The following SEMA6A variants were observed in gnomAD, a reference collection of about 807,000 sequenced individuals.
SEMA6A encodes the protein semaphorin-6A.
SEMA6A carries 25 observed loss-of-function variants against 96.8 expected under a neutral mutation model. The observed-to-expected ratio is 0.26, with a 90% CI of 0.19 to 0.36. The LOEUF is 0.36. Among genes scored for constraint, SEMA6A ranks in the 10% least tolerant of loss-of-function variants. SEMA6A has a pLI of 1.00. For synonymous variants in SEMA6A, 612 were observed against 518.0 expected (o/e 1.18, Z -2.46); for missense variants, 1,363 against 1,323.1 (o/e 1.03, Z -0.47).
At chr5:116,538,487 T>G (rs1205750972) in intron 1 of SEMA6A, among the ~76,000 whole-genome samples, 8 of 152,184 alleles carry the variant, frequency 5.3e-5, no homozygotes, top group Non-Finnish European at 1.2e-4. Flanking sequence ...GCTGGGATAA[T>G]GAATTATTTT....
intron 7 of SEMA6A, among the ~76,000 whole-genome samples, chr5:116,491,285 A>T (rs1757311013): frequency 6.6e-6 from 1 of 152,208 alleles, no homozygotes; most frequent in South Asian, 2.1e-4. Context: ...CACCAGTCTC[A>T]TCATGAGGTC....
intron 1 of SEMA6A, among the ~76,000 whole-genome samples, chr5:116,507,446 T>A (rs1056522873): frequency 6.6e-6 from 1 of 152,170 alleles, no homozygotes; most frequent in African/African-American, 2.4e-5. Flanking sequence ...AACACAGGCT[T>A]GAGTCTCAGG....
At chr5:116,473,841 G>A (rs1005281811) in intron 16 of SEMA6A, among the ~76,000 whole-genome samples, 1 of 152,216 alleles carries the variant, frequency 6.6e-6, no homozygotes, top group Non-Finnish European at 1.5e-5. Flanking sequence ...AGCAAAGGCA[G>A]GCAGGCAGAG....
intron 18 of SEMA6A, among the ~76,000 whole-genome samples, chr5:116,448,671 G>A (rs1428309617): frequency 1.4e-5 from 2 of 146,256 alleles, no homozygotes; most frequent in Admixed American, 7.1e-5. Context: ...AGGAAAGAGA[G>A]TGTGTGTCAT....
At chr5:116,493,699 A>G (rs1757439935) in intron 6 of SEMA6A, among the ~76,000 whole-genome samples, 1 of 151,910 alleles carries the variant, frequency 6.6e-6, no homozygotes, top group African/African-American at 2.4e-5. Flanking sequence ...AAAAAAAGAC[A>G]GGGGGTTTTT....
intron 18 of SEMA6A, among the ~76,000 whole-genome samples, chr5:116,452,518 G>T (rs1754704911): frequency 6.6e-6 from 1 of 151,340 alleles, no homozygotes; most frequent in Admixed American, 6.6e-5. Flanking sequence ...GCAATGAAAA[G>T]ATTATGAAGG....
At chr5:116,565,935 G>A (rs1761007029) in intron 1 of SEMA6A, among the ~76,000 whole-genome samples, 1 of 152,150 alleles carries the variant, frequency 6.6e-6, no homozygotes, top group African/African-American at 2.4e-5. Context: ...GGGCGGGGAA[G>A]TGCTGAAGTC....
rs1460701034 is a variant in SEMA6A, at chr5:116,486,777, G to T, written c.934C>A (p.Leu312Met). ...TTATAAGGTGTAGAAAACGTTGCCA[G>T]GACAACATCACGCCCGTTGATACGA... ...VIRINGRDVV[L>M]ATFSTPYNSI... Residue 312 changes from leucine to methionine, a missense_variant, in exon 10 of 19, where the codon CTG becomes ATG. Around this residue, in one of 2 missense-constraint regions of SEMA6A, gnomAD observed 480 missense variants for 559.5 expected, o/e 0.86. Coordinates refer to ENST00000343348, the MANE Select transcript of SEMA6A (RefSeq NM_020796.5). The T allele has an allele frequency of 6.2e-7, 1 of 1,613,780 alleles. No homozygotes were observed. Among genetic ancestry groups the T allele is most frequent in the Admixed American group, 1.7e-5 (1 of 60,010 alleles).
chr5:116,570,226 C>T (rs1229667848), intron 1 of SEMA6A, among the ~76,000 whole-genome samples: 3 of 152,270 alleles, frequency 2.0e-5, no homozygotes, highest in South Asian at 2.1e-4. Flanking sequence ...ACCATGTGGT[C>T]GCCAGCAGAG....
chr5:116,529,055 T>C (rs1238311567), intron 1 of SEMA6A, among the ~76,000 whole-genome samples: 1 of 152,164 alleles, frequency 6.6e-6, no homozygotes, highest in Non-Finnish European at 1.5e-5. Flanking sequence ...TCAGACAGTC[T>C]CTAAGGGTGT....
At chr5:116,500,465 G>A (rs889238037) in intron 3 of SEMA6A, among the ~76,000 whole-genome samples, 2 of 152,162 alleles carry the variant, frequency 1.3e-5, no homozygotes, top group Admixed American at 6.5e-5. Context: ...AGCTATGTTT[G>A]TGAATTGTAT....
intron 1 of SEMA6A, among the ~76,000 whole-genome samples, chr5:116,563,702 CTCAAT>C (rs1213268074): frequency 6.6e-6 from 1 of 152,214 alleles, no homozygotes; most frequent in Non-Finnish European, 1.5e-5. Flanking sequence ...AGAGAATGAA[CTCAAT>C]TCAACAAAAT....
chr5:116,543,861 G>A (rs1380837304), intron 1 of SEMA6A, among the ~76,000 whole-genome samples: 4 of 152,184 alleles, frequency 2.6e-5, no homozygotes, highest in Non-Finnish European at 4.4e-5. Flanking sequence ...AAACTAGCAC[G>A]TTTTACTTTT....
At chr5:116,486,994 T>C in intron 9 of SEMA6A, 28 bp from the exon 10 acceptor site, 1 of 1,520,780 alleles carries the variant, frequency 6.6e-7, no homozygotes, top group Non-Finnish European at 9.1e-7. Context: ...ATAGGGAAAA[T>C]TAAATGCATT....
rs201445733 is a variant in SEMA6A, at chr5:116,496,321, G to A, written c.280-8C>T. 40 of 1,612,734 alleles carry A rather than the reference G, an allele frequency of 2.5e-5. 1 individual carries two copies. The African/African-American group carries it at 4.3e-4, about 17-fold the overall frequency. ...AGATTTCCATGTCAGTTTCTGCAGGGATCAAGAAAGAAATCAATTAGAGCC... is the reference window on the plus strand; with the variant it reads ...AGATTTCCATGTCAGTTTCTGCAGGAATCAAGAAAGAAATCAATTAGAGCC... On this transcript the variant is annotated splice_polypyrimidine_tract_variant and splice_region_variant and intron_variant, in intron 4 of 18. Coordinates refer to ENST00000343348, the MANE Select transcript of SEMA6A (RefSeq NM_020796.5).
intron 1 of SEMA6A, among the ~76,000 whole-genome samples, chr5:116,514,398 T>C (rs915707864): frequency 5.9e-5 from 9 of 152,250 alleles, no homozygotes; most frequent in African/African-American, 2.2e-4. Context: ...TTCTTCCATG[T>C]TGCTGGCCAC....
At chr5:116,551,501 C>A in intron 1 of SEMA6A, among the ~76,000 whole-genome samples, 1 of 152,252 alleles carries the variant, frequency 6.6e-6, no homozygotes, top group East Asian at 1.9e-4. Flanking sequence ...CTAATTTAAT[C>A]CTCACAGCAA....
chr5:116,504,783 T>A, intron 2 of SEMA6A, 62 bp downstream of exon 2: 15 of 1,292,824 alleles, frequency 1.2e-5, no homozygotes, highest in Non-Finnish European at 1.6e-5. Context: ...TATTTTTTGC[T>A]AGGCTGATTC....
intron 18 of SEMA6A, chr5:116,449,216 T>C (rs577133715): frequency 3.0e-6 from 2 of 666,518 alleles, no homozygotes; most frequent in East Asian, 2.7e-5. Flanking sequence ...TTCCTGCCTC[T>C]GGAGAGTGAA....
Sources: allele counts gnomAD v4.1 joint callset (sites outside exome capture counted in the v4.1 genomes callset), GRCh38; gene constraint gnomAD v4.1.1; regional missense constraint gnomAD v4.1.1; transcripts MANE v1.5; gene names NCBI Gene and HGNC (gene_info 2026-07-23, HGNC 2026-07-21).